LINGO2: variants seen among roughly 807,000 people sequenced by gnomAD.
The protein encoded by LINGO2 is leucine rich repeat and Ig domain containing 2, also known as leucine-rich repeat and immunoglobulin-like domain-containing nogo receptor-interacting protein 2.
In LINGO2, 14 loss-of-function variants were observed where a neutral mutation model predicts 30.6. The observed-to-expected ratio is 0.46, with a 90% confidence interval of 0.30 to 0.72. The LOEUF is 0.72. LINGO2 is among the 30% of genes least tolerant of loss of function. The probability of loss-of-function intolerance (pLI) is 0.07; values close to 1 mark genes in which losing one functional copy is unlikely to be tolerated. For missense variants in LINGO2, 729 were observed against 751.7 expected (o/e 0.97, Z 0.35); for synonymous variants, 317 against 288.5 (o/e 1.10, Z -1.00).
intron 4 of LINGO2, among the ~76,000 whole-genome samples, chr9:28,272,840 G>A (rs1045666409): frequency 1.1e-4 from 16 of 152,008 alleles, no homozygotes; most frequent in African/African-American, 3.6e-4. Context: ...CAGCCAATGA[G>A]GAAAATTACT....
chr9:28,152,077 C>A (rs781065393), intron 4 of LINGO2, among the ~76,000 whole-genome samples: 5 of 152,116 alleles, frequency 3.3e-5, no homozygotes, highest in Non-Finnish European at 7.3e-5. Flanking sequence ...AAAGAATAGG[C>A]AGATTAATAG....
chr9:28,246,186 A>G (rs7018791), intron 4 of LINGO2, among the ~76,000 whole-genome samples: 125,182 of 152,074 alleles, frequency 0.82, 51,886 homozygotes, highest in African/African-American at 0.91. Flanking sequence ...AGCACTTTAG[A>G]ATGCTGAGGC....
At chr9:29,067,618 T>C in the LINGO2 span, among the ~76,000 whole-genome samples, 1 of 151,312 alleles carries the variant, frequency 6.6e-6, no homozygotes, top group Non-Finnish European at 1.5e-5. Context: ...TAAATGTCAG[T>C]GTGCTATGTT....
chr9:27,966,783 G>C (rs752975494), intron 5 of LINGO2, among the ~76,000 whole-genome samples: 2 of 152,052 alleles, frequency 1.3e-5, no homozygotes, highest in Non-Finnish European at 2.9e-5. Flanking sequence ...TTGGGTCAAA[G>C]AAAGTTTGGC....
rs762820594 is a variant in LINGO2, at chr9:28,594,080, T to C, written c.-365+76120A>G. 9.7e-4 allele frequency among the ~76,000 whole-genome samples: 147 copies of C among 152,128 alleles called. 1 individual carries two copies. The highest frequency in any genetic ancestry group is 1.1e-3 in the Non-Finnish European group (77 of 67,954). ...AAACACAAAAGTACCCGTGTTATAA[T>C]ATTACAGTGATGATACCTATAGTTA... On this transcript the variant is annotated intron_variant, in intron 1 of 5. Transcript: ENST00000379992.
chr9:28,454,432 C>T (rs1034226241), intron 2 of LINGO2, among the ~76,000 whole-genome samples: 3 of 151,962 alleles, frequency 2.0e-5, no homozygotes, highest in Admixed American at 6.6e-5. Flanking sequence ...TGATATAACA[C>T]CTGCAGAATA....
chr9:28,102,699 A>G (rs1826453109), intron 4 of LINGO2, among the ~76,000 whole-genome samples: 1 of 152,170 alleles, frequency 6.6e-6, no homozygotes, highest in Non-Finnish European at 1.5e-5. Context: ...CCCAAACCAT[A>G]AAGAGCCATA....
intron 4 of LINGO2, among the ~76,000 whole-genome samples, chr9:28,035,098 T>C (rs1823868152): frequency 6.6e-6 from 1 of 152,196 alleles, no homozygotes; most frequent in South Asian, 2.1e-4. Context: ...AACCAAAAAT[T>C]ATGCATTAGC....
intron 1 of LINGO2, among the ~76,000 whole-genome samples, chr9:28,502,131 GACACACACACAC>G (rs57545947): frequency 3.4e-5 from 5 of 147,030 alleles, no homozygotes; most frequent in African/African-American, 7.5e-5. Context: ...GAGAAACACA[GACACACACACAC>G]ACACACACAC....
chr9:28,295,783 C>T (rs4524882), intron 3 of LINGO2, among the ~76,000 whole-genome samples: 11,003 of 152,116 alleles, frequency 0.072, 728 homozygotes, highest in East Asian at 0.39. Context: ...GCAGTTAGAG[C>T]GAAATCCACA....
chr9:28,543,423 G>A (rs573077499), intron 1 of LINGO2, among the ~76,000 whole-genome samples: 20 of 152,050 alleles, frequency 1.3e-4, no homozygotes, highest in African/African-American at 3.9e-4. Flanking sequence ...ATTATCAAGC[G>A]CAAGATCTCT....
At chr9:28,981,801 T>C in the LINGO2 span, among the ~76,000 whole-genome samples, 1 of 152,110 alleles carries the variant, frequency 6.6e-6, no homozygotes, top group African/African-American at 2.4e-5. Context: ...CAGGGACAGA[T>C]GGAGAGGTGA....
chr9:29,113,305 C>T, the LINGO2 span, among the ~76,000 whole-genome samples: 7 of 152,056 alleles, frequency 4.6e-5, no homozygotes, highest in Non-Finnish European at 1.0e-4. Context: ...TATGATGAAG[C>T]TTTAGTGGAA....
At chr9:28,809,353 A>G in the LINGO2 span, among the ~76,000 whole-genome samples, 786 of 152,314 alleles carry the variant, frequency 5.2e-3, 8 homozygotes, top group African/African-American at 0.018. Flanking sequence ...AGGTAACACC[A>G]TCTTTTTCCA....
chr9:28,360,286 T>C lies in LINGO2; in HGVS notation c.-246+12550A>G, dbSNP rs1002577848. 4.5e-4 allele frequency among the ~76,000 whole-genome samples: 68 copies of C among 152,184 alleles called. 1 individual carries two copies. Among genetic ancestry groups the C allele is most frequent in the Non-Finnish European group, 2.2e-4 (15 of 68,022 alleles). On this transcript the variant is annotated intron_variant, in intron 3 of 5. Transcript: ENST00000379992. ...TTAAACCGTCAGCCAGAGAAAGGAC[T>C]CCATCTTTTATCATAGTCCTAAACT...
intron 1 of LINGO2, among the ~76,000 whole-genome samples, chr9:28,598,461 C>T (rs530790058): frequency 3.9e-5 from 5 of 126,988 alleles, no homozygotes; most frequent in Middle Eastern, 3.8e-3. Flanking sequence ...ACAAAAAAAA[C>T]GCCAAATAAT....
chr9:28,821,306 T>C, the LINGO2 span, among the ~76,000 whole-genome samples: 12 of 152,320 alleles, frequency 7.9e-5, no homozygotes, highest in African/African-American at 2.9e-4. Context: ...CTTTGTTTCC[T>C]GGGAGTTTCC....
the LINGO2 span, among the ~76,000 whole-genome samples, chr9:28,863,272 T>A: frequency 6.6e-6 from 1 of 152,250 alleles, no homozygotes; most frequent in African/African-American, 2.4e-5. Context: ...ATATGATATT[T>A]AAACTTCAAA....
At chr9:28,944,682 A>C in the LINGO2 span, among the ~76,000 whole-genome samples, 1 of 152,190 alleles carries the variant, frequency 6.6e-6, no homozygotes, top group Non-Finnish European at 1.5e-5. Flanking sequence ...CTGGGACTAC[A>C]GGCGTGAGCC....
Sources: allele counts gnomAD v4.1 joint callset (sites outside exome capture counted in the v4.1 genomes callset), GRCh38; gene constraint gnomAD v4.1.1; transcripts MANE v1.5; gene names NCBI Gene and HGNC (gene_info 2026-07-23, HGNC 2026-07-21).